KLHL3: variants seen among roughly 807,000 people sequenced by gnomAD.
The protein encoded by KLHL3 is kelch-like protein 3.
KLHL3 carries 19 observed loss-of-function variants against 70.5 expected under a neutral mutation model. That is an observed-to-expected ratio of 0.27 (90% confidence interval 0.19 to 0.40). The LOEUF is 0.40. Ranked by LOEUF, KLHL3 falls within the 10% of genes least tolerant of loss-of-function variation. The pLI, the probability that KLHL3 is intolerant of heterozygous loss-of-function variation, is 1.00. For missense variants in KLHL3, 512 were observed against 771.1 expected (o/e 0.66, Z 3.98); for synonymous variants, 258 against 290.3 (o/e 0.89, Z 1.13).
chr5:137,683,941 A>C (rs1752099705), intron 5 of KLHL3, among the ~76,000 whole-genome samples: 1 of 152,184 alleles, frequency 6.6e-6, no homozygotes, highest in South Asian at 2.1e-4. Context: ...AACGAAACCT[A>C]TCTGTGTCTG....
intron 3 of KLHL3, 50 bp downstream of exon 3, chr5:137,709,700 G>T: frequency 7.2e-7 from 1 of 1,383,768 alleles, no homozygotes; most frequent in Non-Finnish European, 1.0e-6. Flanking sequence ...CATTCTCCCA[G>T]TGGGGCTGCA....
intron 12 of KLHL3, among the ~76,000 whole-genome samples, chr5:137,631,015 G>A (rs1317787859): frequency 6.8e-6 from 1 of 146,066 alleles, no homozygotes; most frequent in Non-Finnish European, 1.5e-5. Flanking sequence ...TGATGAGGAA[G>A]TGGTCATATG....
intron 5 of KLHL3, among the ~76,000 whole-genome samples, chr5:137,682,156 G>A (rs936512519): frequency 5.9e-5 from 9 of 151,986 alleles, no homozygotes; most frequent in African/African-American, 2.2e-4. Flanking sequence ...ACTAAAGTGA[G>A]TATCAACATC....
chr5:137,705,993 C>A, intron 3 of KLHL3: 1 of 985,262 alleles, frequency 1.0e-6, no homozygotes, highest in Non-Finnish European at 1.2e-6. Context: ...ACTGCTCACC[C>A]CAGATCTTCT....
intron 2 of KLHL3, among the ~76,000 whole-genome samples, chr5:137,712,475 C>T (rs1348829502): frequency 6.6e-6 from 1 of 152,156 alleles, no homozygotes; most frequent in East Asian, 1.9e-4. Flanking sequence ...CCAAAAGAAA[C>T]TTGCCAAATA....
chr5:137,677,926 A>C (rs528908357), intron 5 of KLHL3, among the ~76,000 whole-genome samples: 1 of 152,164 alleles, frequency 6.6e-6, no homozygotes, highest in Non-Finnish European at 1.5e-5. Flanking sequence ...TATTTTTTCC[A>C]TGCTCCATGA....
chr5:137,712,659 C>CA (rs1561617139), intron 2 of KLHL3, among the ~76,000 whole-genome samples: 2 of 152,176 alleles, frequency 1.3e-5, no homozygotes, highest in African/African-American at 4.8e-5. Flanking sequence ...CGAGCTATCA[C>CA]ACTACTCCAT....
intron 1 of KLHL3, among the ~76,000 whole-genome samples, chr5:137,735,073 C>T (rs542640860): frequency 6.6e-6 from 1 of 152,194 alleles, no homozygotes; most frequent in Non-Finnish European, 1.5e-5. Context: ...GAGCAAGTAT[C>T]ATCTGACTGG....
intron 7 of KLHL3, 98 bp downstream of exon 7, chr5:137,661,817 C>T (rs978686683): frequency 4.2e-6 from 3 of 717,004 alleles, no homozygotes; most frequent in Non-Finnish European, 2.5e-6. Context: ...AGAAGACCCA[C>T]TAAACCCTCA....
chr5:137,711,733 G>A (rs1481902439), intron 2 of KLHL3, among the ~76,000 whole-genome samples: 1 of 152,104 alleles, frequency 6.6e-6, no homozygotes, highest in East Asian at 1.9e-4. Context: ...AGCTGCCTTT[G>A]GGACATATAT....
intron 8 of KLHL3, among the ~76,000 whole-genome samples, chr5:137,656,336 T>A (rs1237848592): frequency 6.6e-6 from 1 of 152,168 alleles, no homozygotes; most frequent in Non-Finnish European, 1.5e-5. Flanking sequence ...TCACCTATAC[T>A]GATAATATTA....
At chr5:137,724,661 C>T (rs1177454150) in intron 1 of KLHL3, among the ~76,000 whole-genome samples, 2 of 152,218 alleles carry the variant, frequency 1.3e-5, no homozygotes, top group Non-Finnish European at 2.9e-5. Context: ...ACAGGCAAGG[C>T]TTGACATCTG....
At chr5:137,630,149 C>T (rs879765650) in intron 12 of KLHL3, among the ~76,000 whole-genome samples, 5 of 152,158 alleles carry the variant, frequency 3.3e-5, no homozygotes, top group African/African-American at 9.7e-5. Context: ...CCAAATCTTA[C>T]GAAAGTGAAG....
intron 6 of KLHL3, among the ~76,000 whole-genome samples, chr5:137,669,670 G>A (rs901531714): frequency 5.9e-5 from 9 of 152,220 alleles, no homozygotes; most frequent in African/African-American, 2.2e-4. Flanking sequence ...CTAACCATGA[G>A]TGCAGGATGA....
intron 5 of KLHL3, among the ~76,000 whole-genome samples, chr5:137,687,732 G>A (rs1268522168): frequency 2.0e-5 from 1 of 49,818 alleles, no homozygotes; most frequent in Non-Finnish European, 3.8e-5. Flanking sequence ...AAGGCGGGAA[G>A]GGTGGGGGAA....
intron 13 of KLHL3, among the ~76,000 whole-genome samples, chr5:137,626,199 G>A (rs1286985243): frequency 6.6e-6 from 1 of 152,026 alleles, no homozygotes; most frequent in Non-Finnish European, 1.5e-5. Context: ...AGAGCATATG[G>A]GCACAGACCC....
chr5:137,709,865 C>A lies in KLHL3; in HGVS notation c.135-9G>T. 6.2e-7 allele frequency: 1 copy of A among 1,610,602 alleles called. No individual in the cohort carries two copies. The highest frequency in any genetic ancestry group is 8.5e-7 in the Non-Finnish European group (1 of 1,176,902). On this transcript the variant is annotated splice_polypyrimidine_tract_variant and intron_variant, in intron 2 of 14. Transcript: ENST00000309755. ...CACACAACAGCTGTTTACTGTAAGA[C>A]ACCAGTGAGAGGACAGGATGGGTTG...
chr5:137,688,808 G>A (rs1032524325), intron 5 of KLHL3, among the ~76,000 whole-genome samples: 3 of 152,196 alleles, frequency 2.0e-5, no homozygotes, highest in Non-Finnish European at 4.4e-5. Context: ...AAAATGCTTA[G>A]CATAGGGTAT....
intron 3 of KLHL3, among the ~76,000 whole-genome samples, chr5:137,707,071 G>A (rs1380674836): frequency 6.6e-6 from 1 of 152,164 alleles, no homozygotes; most frequent in African/African-American, 2.4e-5. Flanking sequence ...GAGTCAGACA[G>A]GCCAAAAGAT....
Sources: allele counts gnomAD v4.1 joint callset (sites outside exome capture counted in the v4.1 genomes callset), GRCh38; gene constraint gnomAD v4.1.1; transcripts MANE v1.5; gene names NCBI Gene and HGNC (gene_info 2026-07-23, HGNC 2026-07-21).